The following MAEA variants were observed in gnomAD, a reference collection of about 807,000 sequenced individuals.
MAEA encodes the protein macrophage erythroblast attacher, E3 ubiquitin ligase, also known as E3 ubiquitin-protein transferase MAEA.
MAEA carries 22 observed loss-of-function variants against 46.2 expected under a neutral mutation model. The ratio of observed to expected loss-of-function variants is 0.48; its 90% CI spans 0.34 to 0.68. MAEA has a LOEUF of 0.68. Ranked by LOEUF, MAEA falls within the 30% of genes least tolerant of loss-of-function variation. The pLI, the probability that MAEA is intolerant of heterozygous loss-of-function variation, is 0.01. For synonymous variants in MAEA, 246 were observed against 222.6 expected, an observed-to-expected ratio of 1.11 and a Z score of -0.94; for missense variants, 393 against 558.1, an observed-to-expected ratio of 0.70 and a Z score of 2.98.
intron 5 of MAEA, chr4:1,328,499 T>C: frequency 1.7e-6 from 1 of 577,298 alleles, no homozygotes; most frequent in Non-Finnish European, 2.5e-6. Flanking sequence ...GCGGTGACGC[T>C]TGAGTTGCTG....
rs1491468077 is a variant in MAEA at position 1,334,151 on chromosome 4, TGC to T, written c.765+1287_765+1288del. Reference sequence around the variant, plus strand: ...CCCATGCCCACCATGTGCTCACCCCTGCATCCACCCCCATGCCCACCCCTGTG... The same window carrying T: ...CCCATGCCCACCATGTGCTCACCCCTATCCACCCCCATGCCCACCCCTGTG... On this transcript the variant is annotated intron_variant, in intron 6 of 8. Coordinates refer to ENST00000303400, the MANE Select transcript of MAEA (RefSeq NM_001017405.3). 5.9e-5 allele frequency among the ~76,000 whole-genome samples: 4 copies of T among 68,200 alleles called. 1 individual carries two copies. The highest frequency in any genetic ancestry group is 2.3e-4 in the African/African-American group (4 of 17,398). 44.7% of individuals were successfully genotyped at this position (68,200 alleles called of 152,430 possible).
intron 1 of MAEA, chr4:1,309,518 A>T: frequency 4.4e-6 from 6 of 1,350,098 alleles, no homozygotes; most frequent in Non-Finnish European, 5.7e-6. Context: ...CTGGAGGGAG[A>T]GGGGGTGCTG....
At chr4:1,305,312 G>A (rs537816742) in intron 1 of MAEA, among the ~76,000 whole-genome samples, 4 of 152,330 alleles carry the variant, frequency 2.6e-5, no homozygotes, top group African/African-American at 9.6e-5. Context: ...CGGCCCTGGT[G>A]AGGGTGCCTT....
At chr4:1,318,328 G>A (rs532573253) in intron 3 of MAEA, among the ~76,000 whole-genome samples, 1 of 152,372 alleles carries the variant, frequency 6.6e-6, no homozygotes, top group African/African-American at 2.4e-5. Flanking sequence ...CTGTGTTGGG[G>A]GAGAGAGACG....
At chr4:1,309,804 G>A in intron 1 of MAEA, 14 of 1,400,806 alleles carry the variant, frequency 1.0e-5, no homozygotes, top group Non-Finnish European at 1.3e-5. Flanking sequence ...GGGAGCAAAG[G>A]GTTCCTGTCT....
chr4:1,324,872 T>C (rs902427914), intron 4 of MAEA, among the ~76,000 whole-genome samples: 2 of 148,494 alleles, frequency 1.3e-5, no homozygotes, highest in Non-Finnish European at 3.0e-5. Flanking sequence ...TGGATGAGCG[T>C]GCCTGGTGTT....
intron 4 of MAEA, among the ~76,000 whole-genome samples, chr4:1,325,555 G>T (rs1199097629): frequency 3.9e-5 from 6 of 152,164 alleles, no homozygotes; most frequent in Admixed American, 2.6e-4. Flanking sequence ...ACCTAGAGTG[G>T]GCCCAGAGTC....
rs1017694886 is a variant in MAEA, at chr4:1,311,183, G to A, written c.70-796G>A. On this transcript the variant is annotated intron_variant, in intron 1 of 8. Transcript: ENST00000303400. The surrounding 1 kb of genome is among the most constrained non-coding windows in gnomAD (Gnocchi z 4.4). The stretch of plus-strand genomic sequence containing the variant: ...GCGGCAGCACGGCCGTGTTGCTGAT[G>A]CGCTGTGTGGTGAGCTGCCGGCCAC... Among the ~76,000 whole-genome samples, 5 of 152,234 alleles carry A rather than the reference G, an allele frequency of 3.3e-5. No individual in the cohort carries two copies. The highest frequency in any genetic ancestry group is 7.3e-5 in the Non-Finnish European group (5 of 68,036).
At chr4:1,294,675 A>T (rs1734448352) in intron 1 of MAEA, among the ~76,000 whole-genome samples, 1 of 151,828 alleles carries the variant, frequency 6.6e-6, no homozygotes, top group Non-Finnish European at 1.5e-5. Context: ...TGATGGGGAG[A>T]CAAGTGAGGC....
chr4:1,322,943 CTTTTTTTTTTTTTT>C (rs60692981), intron 4 of MAEA, among the ~76,000 whole-genome samples: 3 of 75,246 alleles, frequency 4.0e-5, no homozygotes, highest in South Asian at 4.7e-4. Flanking sequence ...TGAATACCCA[CTTTTTTTTTTTTTT>C]TTTTTTTTTT....
At chr4:1,334,044 GCTCACCCCTGCA>G (rs1712331005) in intron 6 of MAEA, among the ~76,000 whole-genome samples, 1 of 33,242 alleles carries the variant, frequency 3.0e-5, no homozygotes, top group Non-Finnish European at 5.7e-5. Flanking sequence ...CCCACCATGT[GCTCACCCCTGCA>G]CCCACCCCCA....
chr4:1,318,217 C>T (rs896794594), intron 3 of MAEA, among the ~76,000 whole-genome samples: 1 of 152,228 alleles, frequency 6.6e-6, no homozygotes, highest in Admixed American at 6.5e-5. Context: ...CTCCTAAACG[C>T]CCAGCACACT....
intron 6 of MAEA, among the ~76,000 whole-genome samples, chr4:1,334,007 CGTGCT>C (rs1712311743): frequency 2.6e-5 from 1 of 39,090 alleles, no homozygotes; most frequent in Admixed American, 2.3e-4. Context: ...CCATGCCTAC[CGTGCT>C]CACCCCCATG....
At chr4:1,321,864 TTTTTTGTTG>T (rs1738160961) in intron 3 of MAEA, among the ~76,000 whole-genome samples, 1 of 140,792 alleles carries the variant, frequency 7.1e-6, no homozygotes, top group Non-Finnish European at 1.5e-5. Flanking sequence ...TTACTCTGTT[TTTTTTGTTG>T]TTTTTTTTTT....
intron 1 of MAEA, among the ~76,000 whole-genome samples, chr4:1,298,305 A>G (rs1734970162): frequency 6.9e-6 from 1 of 145,966 alleles, no homozygotes; most frequent in South Asian, 2.1e-4. Context: ...CCCCTGCCCC[A>G]TCCCTGTGAC....
At position 1,322,391 on chromosome 4, in the gene MAEA, A is replaced by G. The variant is rs1738245434; in HGVS notation, c.467A>G (p.Asn156Ser). ...CTTCCTTCCTCTAAGGACCTAGTGAATATTGAGATGTTCCTGACGGCCAAA... is the reference window on the plus strand; with the variant it reads ...CTTCCTTCCTCTAAGGACCTAGTGAGTATTGAGATGTTCCTGACGGCCAAA... ...ARQSGIEDLV[N>S]IEMFLTAKEV... The change falls in exon 4 of 9, where the codon AAT becomes AGT. Residue 156 changes from asparagine to serine, a missense_variant. Transcript: ENST00000303400. 1.9e-6 allele frequency: 3 copies of G among 1,613,980 alleles called. No homozygotes were observed. The highest frequency in any genetic ancestry group is 2.5e-6 in the Non-Finnish European group (3 of 1,179,938).
At chr4:1,320,244 A>G (rs1215643153) in intron 3 of MAEA, among the ~76,000 whole-genome samples, 1 of 151,348 alleles carries the variant, frequency 6.6e-6, no homozygotes, top group Non-Finnish European at 1.5e-5. Flanking sequence ...AAAAGAAATC[A>G]AAGCAAACGT....
At chr4:1,329,749 C>G (rs10032327) in intron 5 of MAEA, 1 of 985,176 alleles carries the variant, frequency 1.0e-6, no homozygotes, top group African/African-American at 1.8e-5. Context: ...TGAGGGAGTG[C>G]GGGTGTTTGG....
intron 3 of MAEA, among the ~76,000 whole-genome samples, chr4:1,317,267 C>T: frequency 7.3e-6 from 1 of 137,908 alleles, no homozygotes; most frequent in Non-Finnish European, 1.6e-5. Flanking sequence ...CACCCCAGCC[C>T]CCACACTCCA....
Sources: allele counts gnomAD v4.1 joint callset (sites outside exome capture counted in the v4.1 genomes callset), GRCh38; gene constraint gnomAD v4.1.1; non-coding constraint Gnocchi (gnomAD v3.1); transcripts MANE v1.5; gene names NCBI Gene and HGNC (gene_info 2026-07-23, HGNC 2026-07-21).